The following RBFOX1 variants were observed in gnomAD, a reference collection of about 807,000 sequenced individuals.
RBFOX1 encodes RNA binding fox-1 homolog 1.
RBFOX1 carries 8 observed loss-of-function variants against 57.7 expected under a neutral mutation model. That is an observed-to-expected ratio of 0.14 (90% CI 0.08 to 0.25). The LOEUF (loss-of-function observed/expected upper bound fraction) is 0.25. RBFOX1 is among the 10% of genes least tolerant of loss of function. The pLI is 1.00. For synonymous variants in RBFOX1, 326 were observed against 222.4 expected, an observed-to-expected ratio of 1.47 and a Z score of -4.15; for missense variants, 611 against 548.5, an observed-to-expected ratio of 1.11 and a Z score of -1.14.
intron 2 of RBFOX1, among the ~76,000 whole-genome samples, chr16:6,547,782 T>A (rs2153854326): frequency 6.6e-6 from 1 of 152,278 alleles, no homozygotes; most frequent in South Asian, 2.1e-4. Context: ...GATTTTTTTT[T>A]TTCTCTCAAA....
chr16:5,539,922 T>A (rs990940420), intron 2 of RBFOX1, among the ~76,000 whole-genome samples: 2 of 152,198 alleles, frequency 1.3e-5, no homozygotes, highest in Non-Finnish European at 2.9e-5. Context: ...ATTTTATGGA[T>A]GTTTCAAGGA....
chr16:7,318,851 A>T (rs545816737), intron 4 of RBFOX1, among the ~76,000 whole-genome samples: 4 of 152,330 alleles, frequency 2.6e-5, no homozygotes, highest in African/African-American at 9.6e-5. Context: ...GGCAGAGCGC[A>T]ACATGAAAAA....
chr16:5,946,670 G>A lies in RBFOX1; in HGVS notation c.351+79335G>A, dbSNP rs2059406239. Among the ~76,000 whole-genome samples, 1 of 152,200 alleles carries A rather than the reference G, an allele frequency of 6.6e-6. No individual in the cohort carries two copies. The highest frequency in any genetic ancestry group is 1.5e-5 in the Non-Finnish European group (1 of 68,040). On this transcript the variant is annotated intron_variant, in intron 4 of 19. Transcript: ENST00000641259. The surrounding 1 kb of genome is among the most constrained non-coding windows in gnomAD (Gnocchi z 4.6). ...ATTGAACCAGAGAAGGGGGTTATGA[G>A]AATCTCTGATTTATAACCAGATGGT... is the stretch of plus-strand genomic sequence containing the variant.
chr16:6,767,732 G>C (rs575989603), intron 3 of RBFOX1, among the ~76,000 whole-genome samples: 1 of 151,780 alleles, frequency 6.6e-6, no homozygotes, highest in South Asian at 2.1e-4. Context: ...TGGCCAATAT[G>C]GTGAAACCCC....
At position 7,211,742 on chromosome 16, in the gene RBFOX1, G is replaced by A. The variant is rs117447259; in HGVS notation, c.27+159644G>A. ...CAGCTCTCGTGCCAGGTGGGCATTCGCCTGAACTAGGAGGACTCGGGGGGA... is the reference window on the plus strand; with the variant it reads ...CAGCTCTCGTGCCAGGTGGGCATTCACCTGAACTAGGAGGACTCGGGGGGA... On this transcript the variant is annotated intron_variant, in intron 4 of 15. Coordinates refer to ENST00000550418, the MANE Select transcript of RBFOX1 (RefSeq NM_018723.4). Among the ~76,000 whole-genome samples the A allele has an allele frequency of 5.2e-3, 788 of 152,216 alleles. 25 individuals carry two copies. Among genetic ancestry groups the A allele is most frequent in the East Asian group, 0.035 (182 of 5,168 alleles).
At chr16:6,540,376 G>A (rs932151171) in intron 2 of RBFOX1, among the ~76,000 whole-genome samples, 1 of 151,722 alleles carries the variant, frequency 6.6e-6, no homozygotes, top group African/African-American at 2.4e-5. Context: ...CACTTTGGGA[G>A]GCTGAGCTGG....
At chr16:6,078,201 G>A (rs1024126592) in intron 1 of RBFOX1, among the ~76,000 whole-genome samples, 1 of 152,124 alleles carries the variant, frequency 6.6e-6, no homozygotes, top group African/African-American at 2.4e-5. Context: ...CAAATCATGT[G>A]AAAGTAAAGG....
chr16:6,547,211 C>G (rs577793012), intron 2 of RBFOX1, among the ~76,000 whole-genome samples: 9 of 152,314 alleles, frequency 5.9e-5, no homozygotes, highest in African/African-American at 2.2e-4. Context: ...CAGAATAGTT[C>G]CCTAAAGTGG....
At chr16:6,990,128 G>C (rs562011081) in intron 3 of RBFOX1, among the ~76,000 whole-genome samples, 5 of 152,206 alleles carry the variant, frequency 3.3e-5, no homozygotes, top group Non-Finnish European at 5.9e-5. Context: ...CCAACAACTA[G>C]TAAACGTGCC....
chr16:5,809,619 G>A (rs1430546900), intron 3 of RBFOX1, among the ~76,000 whole-genome samples: 15 of 152,092 alleles, frequency 9.9e-5, no homozygotes, highest in East Asian at 3.9e-4. Context: ...TCAAAACCAC[G>A]ATGAGATACC....
chr16:7,159,848 T>A (rs530451701), intron 4 of RBFOX1, among the ~76,000 whole-genome samples: 3 of 152,342 alleles, frequency 2.0e-5, no homozygotes, highest in Admixed American at 2.0e-4. Flanking sequence ...ATACTTGGAA[T>A]GGAAAAATAA....
At chr16:5,857,085 C>T (rs768733226) in intron 3 of RBFOX1, among the ~76,000 whole-genome samples, 2 of 152,138 alleles carry the variant, frequency 1.3e-5, no homozygotes, top group African/African-American at 4.8e-5. Flanking sequence ...GTGACTCTTT[C>T]TTTCACTTGA....
intron 3 of RBFOX1, among the ~76,000 whole-genome samples, chr16:5,697,150 T>C (rs1417214680): frequency 2.0e-5 from 3 of 152,134 alleles, no homozygotes; most frequent in Non-Finnish European, 4.4e-5. Context: ...GGATATAATA[T>C]TAATTTTTGC....
At chr16:6,993,573 A>T (rs1038102) in intron 3 of RBFOX1, among the ~76,000 whole-genome samples, 2 of 152,028 alleles carry the variant, frequency 1.3e-5, no homozygotes, top group South Asian at 4.1e-4. Context: ...TAGGGAGGCA[A>T]GAGTGGTGCT....
chr16:5,655,047 C>T lies in RBFOX1; in HGVS notation c.318+56086C>T, dbSNP rs138784957. Among the ~76,000 whole-genome samples the T allele has an allele frequency of 2.2e-4, 34 of 152,276 alleles. No individual in the cohort carries two copies. In the East Asian group the frequency reaches 5.6e-3, roughly 25 times the overall value. The stretch of plus-strand genomic sequence containing the variant: ...TCCTACCCAGGAGTCCTAGTGAGGA[C>T]GCACACACTAGGGCGCATCTGTCTC... On this transcript the variant is annotated intron_variant, in intron 3 of 19. Coordinates refer to the RBFOX1 transcript ENST00000641259.
chr16:7,279,843 A>T (rs1295727254), intron 4 of RBFOX1, among the ~76,000 whole-genome samples: 2 of 152,184 alleles, frequency 1.3e-5, no homozygotes, highest in Admixed American at 6.5e-5. Flanking sequence ...TTCTATCCCT[A>T]AAGAGCCAGC....
chr16:7,618,439 C>CT (rs2058805591), intron 10 of RBFOX1, among the ~76,000 whole-genome samples: 2 of 152,026 alleles, frequency 1.3e-5, no homozygotes. Context: ...AATCTAGTGC[C>CT]TAGGACAAAG....
intron 5 of RBFOX1, among the ~76,000 whole-genome samples, chr16:7,558,196 A>C (rs552132712): frequency 9.7e-4 from 147 of 152,200 alleles, no homozygotes; most frequent in Middle Eastern, 3.4e-3. Flanking sequence ...TCCACTAAAA[A>C]TACAAAAATT....
At chr16:6,907,186 G>C (rs2070231079) in intron 3 of RBFOX1, among the ~76,000 whole-genome samples, 1 of 152,042 alleles carries the variant, frequency 6.6e-6, no homozygotes, top group African/African-American at 2.4e-5. Context: ...TGTCCTCCTG[G>C]CATCTGTAGG....
Sources: allele counts gnomAD v4.1 joint callset (sites outside exome capture counted in the v4.1 genomes callset), GRCh38; gene constraint gnomAD v4.1.1; non-coding constraint Gnocchi (gnomAD v3.1); transcripts MANE v1.5; gene names NCBI Gene and HGNC (gene_info 2026-07-23, HGNC 2026-07-21).